Variants in NEGR1 observed in about 807,000 individuals in gnomAD.
The protein encoded by NEGR1 is IgLON family member 4.
Under a neutral mutation model 40.9 loss-of-function variants are expected in NEGR1, and 10 were observed. The ratio of observed to expected loss-of-function variants is 0.24; its 90% CI spans 0.15 to 0.42. NEGR1 has a LOEUF of 0.42. NEGR1 is among the 10% of genes least tolerant of loss of function. The pLI is 1.00. For synonymous variants in NEGR1, 185 were observed against 166.8 expected (o/e 1.11, Z -0.84); for missense variants, 352 against 438.9 (o/e 0.80, Z 1.77).
At chr1:71,407,763 C>G in intron 6 of NEGR1, 193 bp from the exon 7 acceptor site, 2 of 529,336 alleles carry the variant, frequency 3.8e-6, no homozygotes, top group Non-Finnish European at 6.9e-6. Flanking sequence ...TCAGTTTTCT[C>G]AAGGGCAAAA....
chr1:72,145,986 C>A (rs974910816), intron 1 of NEGR1, among the ~76,000 whole-genome samples: 9 of 142,552 alleles, frequency 6.3e-5, no homozygotes, highest in African/African-American at 2.4e-4. Context: ...GAGCAGCATT[C>A]TCAGAGTTTC....
At chr1:71,836,592 C>T (rs1275960643) in intron 2 of NEGR1, among the ~76,000 whole-genome samples, 1 of 151,114 alleles carries the variant, frequency 6.6e-6, no homozygotes, top group Non-Finnish European at 1.5e-5. Flanking sequence ...ATCAAGACAA[C>T]CTAAGAAAGA....
At chr1:72,244,631 C>T (rs983078544) in intron 1 of NEGR1, among the ~76,000 whole-genome samples, 1 of 151,938 alleles carries the variant, frequency 6.6e-6, no homozygotes, top group Non-Finnish European at 1.5e-5. Context: ...AACACTGCAT[C>T]AGTGAATACT....
intron 4 of NEGR1, among the ~76,000 whole-genome samples, chr1:71,655,930 C>T (rs2101586367): frequency 6.6e-6 from 1 of 152,270 alleles, no homozygotes; most frequent in East Asian, 1.9e-4. Flanking sequence ...CAATAAGTGT[C>T]ATTGTTATTA....
chr1:71,850,927 T>C (rs907467182), intron 2 of NEGR1, among the ~76,000 whole-genome samples: 3 of 152,174 alleles, frequency 2.0e-5, no homozygotes, highest in Non-Finnish European at 2.9e-5. Context: ...TAGTTTACAG[T>C]AACTTCTGAT....
intron 6 of NEGR1, among the ~76,000 whole-genome samples, chr1:71,572,029 G>GAGCT (rs1648825079): frequency 6.6e-6 from 1 of 152,020 alleles, no homozygotes; most frequent in Admixed American, 6.6e-5. Flanking sequence ...CCATATTTTG[G>GAGCT]AGCTTTAATT....
At chr1:71,567,074 A>G (rs536073166) in intron 6 of NEGR1, among the ~76,000 whole-genome samples, 3 of 152,334 alleles carry the variant, frequency 2.0e-5, no homozygotes, top group Admixed American at 2.0e-4. Flanking sequence ...GCAAAAGTCT[A>G]GAATAAGATT....
intron 1 of NEGR1, among the ~76,000 whole-genome samples, chr1:72,192,816 G>C (rs991559239): frequency 1.3e-5 from 2 of 151,750 alleles, no homozygotes; most frequent in Non-Finnish European, 2.9e-5. Flanking sequence ...ATCATTAAAT[G>C]GTAGGATGGT....
intron 6 of NEGR1, among the ~76,000 whole-genome samples, chr1:71,508,209 T>A (rs2101411710): frequency 6.6e-6 from 1 of 152,184 alleles, no homozygotes; most frequent in Non-Finnish European, 1.5e-5. Flanking sequence ...GAAGACAAGC[T>A]CCACCCAAGC....
chr1:72,112,041 T>A (rs1649392034), intron 1 of NEGR1, among the ~76,000 whole-genome samples: 1 of 142,094 alleles, frequency 7.0e-6, no homozygotes, highest in African/African-American at 2.5e-5. Context: ...TGGGACAGAA[T>A]TGTTAATATG....
intron 3 of NEGR1, among the ~76,000 whole-genome samples, chr1:71,733,927 A>G (rs1225943110): frequency 6.6e-6 from 1 of 152,202 alleles, no homozygotes; most frequent in Non-Finnish European, 1.5e-5. Context: ...AAACTTCTCA[A>G]CATTGGAAAC....
At chr1:71,512,936 G>A (rs1647086272) in intron 6 of NEGR1, among the ~76,000 whole-genome samples, 1 of 152,156 alleles carries the variant, frequency 6.6e-6, no homozygotes, top group African/African-American at 2.4e-5. Context: ...ATAAGATACA[G>A]TGGAAAGTAA....
intron 1 of NEGR1, among the ~76,000 whole-genome samples, chr1:72,118,080 G>A (rs2630400): frequency 0.53 from 80,325 of 151,552 alleles, 21,705 homozygotes; most frequent in African/African-American, 0.64. Context: ...ATAATTTTTG[G>A]GGACAAGAGA....
At chr1:72,231,528 GTAT>G (rs1269106780) in intron 1 of NEGR1, among the ~76,000 whole-genome samples, 1 of 152,074 alleles carries the variant, frequency 6.6e-6, no homozygotes, top group Non-Finnish European at 1.5e-5. Flanking sequence ...TACAACTATA[GTAT>G]TATGTGTTTG....
intron 1 of NEGR1, among the ~76,000 whole-genome samples, chr1:72,182,814 ATG>A (rs781215604): frequency 2.3e-5 from 3 of 132,688 alleles, no homozygotes; most frequent in African/African-American, 5.7e-5. Context: ...GTATGTGTAT[ATG>A]TGTGTGTGTA....
intron 6 of NEGR1, among the ~76,000 whole-genome samples, chr1:71,408,270 C>T (rs527882314): frequency 6.6e-6 from 1 of 152,036 alleles, no homozygotes; most frequent in South Asian, 2.1e-4. Context: ...TCTTGCTGGA[C>T]CATGAAGTTT....
intron 1 of NEGR1, among the ~76,000 whole-genome samples, chr1:72,016,286 T>C (rs8179360): frequency 4.6e-5 from 7 of 152,044 alleles, no homozygotes; most frequent in African/African-American, 1.7e-4. Flanking sequence ...ATTTCTAATG[T>C]AATCATTAAA....
chr1:71,557,933 C>T (rs986279817), intron 6 of NEGR1, among the ~76,000 whole-genome samples: 1 of 151,474 alleles, frequency 6.6e-6, no homozygotes, highest in African/African-American at 2.4e-5. Context: ...ATTATCTTGA[C>T]ACTTGGAAGA....
chr1:71,536,668 G>A (rs1313920373), intron 6 of NEGR1, among the ~76,000 whole-genome samples: 1 of 151,700 alleles, frequency 6.6e-6, no homozygotes, highest in African/African-American at 2.4e-5. Flanking sequence ...AGAATCCAGA[G>A]TATTTTTAAC....
Sources: gnomAD v4.1 joint callset for allele counts (sites outside exome capture counted in the v4.1 genomes callset) on GRCh38, gnomAD v4.1.1 for gene constraint, MANE v1.5 for transcripts, NCBI Gene and HGNC (gene_info 2026-07-23, HGNC 2026-07-21) for gene names.